Variants in NR5A2 observed in about 807,000 individuals in gnomAD.
NR5A2 encodes the protein CYP7A promoter-binding factor.
In NR5A2, 26 loss-of-function variants were observed where a neutral mutation model predicts 62.7. That is an observed-to-expected ratio of 0.41 (90% CI 0.30 to 0.58). NR5A2 has a LOEUF of 0.58. Ranked by LOEUF, NR5A2 falls within the 20% of genes least tolerant of loss-of-function variation. The pLI is 0.22. For synonymous variants in NR5A2, 246 were observed against 241.7 expected (o/e 1.02, Z -0.16); for missense variants, 541 against 669.1 (o/e 0.81, Z 2.11).
At chr1:200,053,661 T>C (rs1662772810) in intron 5 of NR5A2, among the ~76,000 whole-genome samples, 1 of 151,740 alleles carries the variant, frequency 6.6e-6, no homozygotes, top group South Asian at 2.1e-4. Context: ...CCAGTGAAGC[T>C]AAAGCAAATC....
At position 200,147,555 on chromosome 1, in the gene NR5A2, T is replaced by G; in HGVS notation, c.1379-26408T>G. 1.4e-6 allele frequency: 1 copy of G among 695,828 alleles called. No individual in the cohort carries two copies. The highest frequency in any genetic ancestry group is 3.4e-5 in the East Asian group (1 of 29,324). The allele number at this position is 695,828 out of a possible 1,614,324, so 43.1% of individuals were successfully genotyped here. A position where few individuals can be genotyped will look rare whatever the true frequency, so the allele number is the denominator to read the frequency against. ...TCTGTGATTTCCTTGGTTTCTCCAT[T>G]GGTGTGCTTAAAGCGATCTCCTCTA... On this transcript the variant is annotated intron_variant, in intron 7 of 7. Coordinates refer to ENST00000367362, the MANE Select transcript of NR5A2 (RefSeq NM_205860.3). The surrounding 1 kb of genome is among the most constrained non-coding windows in gnomAD (Gnocchi z 4.9).
chr1:200,172,657 G>A (rs1654234330), intron 7 of NR5A2, among the ~76,000 whole-genome samples: 1 of 152,166 alleles, frequency 6.6e-6, no homozygotes, highest in Admixed American at 6.6e-5. Flanking sequence ...AAATCGTCCT[G>A]AACACACTTC....
At position 200,143,706 on chromosome 1, in the gene NR5A2, G is replaced by C. The variant is rs186861036; in HGVS notation, c.1378+22751G>C. ...TGCCCAGGCTGGAGTGCAGTGGTGC[G>C]ATCTCGGCTCCTGCAACCTCCGCCT... is the stretch of plus-strand genomic sequence containing the variant. On this transcript the variant is annotated intron_variant, in intron 7 of 7. Transcript: ENST00000367362. 2.0e-4 allele frequency among the ~76,000 whole-genome samples: 30 copies of C among 147,260 alleles called. No homozygotes were observed. The East Asian group carries it at 5.8e-3, about 29-fold the overall frequency.
At chr1:200,071,157 T>C (rs1044592949) in intron 5 of NR5A2, among the ~76,000 whole-genome samples, 1 of 152,236 alleles carries the variant, frequency 6.6e-6, no homozygotes, top group Non-Finnish European at 1.5e-5. Context: ...TTTTGATTAA[T>C]GTTCTTTGAT....
At chr1:200,088,774 C>T (rs1201905402) in intron 5 of NR5A2, among the ~76,000 whole-genome samples, 3 of 152,184 alleles carry the variant, frequency 2.0e-5, no homozygotes, top group Non-Finnish European at 2.9e-5. Context: ...AGTGCTAAAG[C>T]CGGGCAGCAA....
chr1:200,028,419 C>G (rs1661425545), intron 1 of NR5A2, among the ~76,000 whole-genome samples: 1 of 130,592 alleles, frequency 7.7e-6, no homozygotes, highest in Non-Finnish European at 1.6e-5. Context: ...GTCATGCCCC[C>G]ACCTCCAAAA....
intron 5 of NR5A2, among the ~76,000 whole-genome samples, chr1:200,082,001 C>T (rs1176042325): frequency 1.3e-5 from 2 of 152,068 alleles, no homozygotes; most frequent in Admixed American, 1.3e-4. Flanking sequence ...TGGGATTTGT[C>T]ACTGTTTGTC....
At chr1:200,121,174 T>C (rs1666468095) in intron 7 of NR5A2, among the ~76,000 whole-genome samples, 1 of 152,220 alleles carries the variant, frequency 6.6e-6, no homozygotes, top group Non-Finnish European at 1.5e-5. Flanking sequence ...AGTTATTCAA[T>C]TGACTCATTC....
At chr1:200,162,389 C>G (rs1239429619) in intron 7 of NR5A2, among the ~76,000 whole-genome samples, 1 of 151,910 alleles carries the variant, frequency 6.6e-6, no homozygotes, top group Admixed American at 6.6e-5. Context: ...AGGTACTGGC[C>G]AGGCACATTC....
chr1:200,120,962 A>C lies in NR5A2; in HGVS notation c.1378+7A>C, dbSNP rs1244409880. 1 of 1,613,776 alleles carries C rather than the reference A, an allele frequency of 6.2e-7. No homozygotes were observed. Among genetic ancestry groups the C allele is most frequent in the South Asian group, 1.1e-5 (1 of 91,038 alleles). On this transcript the variant is annotated splice_region_variant and intron_variant, in intron 7 of 7. Coordinates refer to ENST00000367362, the MANE Select transcript of NR5A2 (RefSeq NM_205860.3). ...TTGGTGCTCTTTAGTTTAGGTAAGA[A>C]ATCCTTTTCTCATGCTGTGCTCAAC...
At chr1:200,116,282 A>G (rs1398054311) in intron 6 of NR5A2, among the ~76,000 whole-genome samples, 1 of 152,184 alleles carries the variant, frequency 6.6e-6, no homozygotes, top group Non-Finnish European at 1.5e-5. Context: ...CCGTAGCCCA[A>G]TCTTCTGGCT....
intron 7 of NR5A2, among the ~76,000 whole-genome samples, chr1:200,161,524 A>G (rs1425037871): frequency 6.6e-6 from 1 of 152,202 alleles, no homozygotes. Context: ...TGTGGTCCCT[A>G]ACACAGCTCA....
Position 200,147,776 on chromosome 1 carries a change from GGA to G in NR5A2, c.1379-26186_1379-26185del, listed in dbSNP as rs1558167884. On this transcript the variant is annotated intron_variant, in intron 7 of 7. Coordinates refer to ENST00000367362, the MANE Select transcript of NR5A2 (RefSeq NM_205860.3). This position sits in a 1 kb window ranked among gnomAD's most constrained non-coding sequence, Gnocchi z 4.9. ...CGGATGCCGGCGCGAATGCCGGCAC[GGA>G]TGCCGGCACGGTGGGCAGCCGCCGT... 1 of 10,720 alleles carries G rather than the reference GGA, an allele frequency of 9.3e-5. No individual in the cohort carries two copies. Among genetic ancestry groups the G allele is most frequent in the Non-Finnish European group, 2.5e-4 (1 of 3,986 alleles). 0.7% of individuals were successfully genotyped at this position (10,720 alleles called of 1,614,324 possible).
chr1:200,154,369 A>G (rs1435476973), intron 7 of NR5A2, among the ~76,000 whole-genome samples: 1 of 152,182 alleles, frequency 6.6e-6, no homozygotes, highest in Non-Finnish European at 1.5e-5. Flanking sequence ...TCTAGACCAA[A>G]ACATGCAAAG....
chr1:200,174,163 C>CTT lies in NR5A2; in HGVS notation c.1579_1580insTT (p.Pro527LeufsTer52). ...CTACAAGCACCTGAACGGGGATGTGCCCTATAATAACCTTCTCATTGAAAT... is the reference window on the plus strand; with the variant it reads ...CTACAAGCACCTGAACGGGGATGTGCTTCCTATAATAACCTTCTCATTGAAAT... On this transcript the variant is annotated frameshift_variant, in exon 8 of 8. Transcript: ENST00000367362. LOFTEE classifies it high-confidence loss of function. The CTT allele has an allele frequency of 6.2e-7, 1 of 1,613,042 alleles. No homozygotes were observed.
intron 1 of NR5A2, among the ~76,000 whole-genome samples, chr1:200,034,657 C>T (rs1661687098): frequency 6.6e-6 from 1 of 151,956 alleles, no homozygotes; most frequent in African/African-American, 2.4e-5. Flanking sequence ...TTTCGTTTTC[C>T]TCCGCGATAA....
chr1:200,174,248 G>A lies in NR5A2; in HGVS notation c.*38G>A. On this transcript the variant is annotated 3_prime_UTR_variant, in exon 8 of 8. Coordinates refer to ENST00000367362, the MANE Select transcript of NR5A2 (RefSeq NM_205860.3). The stretch of plus-strand genomic sequence containing the variant: ...AGGAGCTCTGCTTTCAAAACAAAAA[G>A]AGATTGGGGGAGTGGGGAGGGGGAA... 1.3e-6 allele frequency: 2 copies of A among 1,482,352 alleles called. No individual in the cohort carries two copies. Among genetic ancestry groups the A allele is most frequent in the Non-Finnish European group, 1.8e-6 (2 of 1,114,520 alleles). The allele number at this position is 1,482,352 out of a possible 1,614,324, so 91.8% of individuals were successfully genotyped here. A position where few individuals can be genotyped will look rare whatever the true frequency, so the allele number is the denominator to read the frequency against.
At chr1:200,092,053 A>G (rs1664843469) in intron 5 of NR5A2, among the ~76,000 whole-genome samples, 1 of 152,214 alleles carries the variant, frequency 6.6e-6, no homozygotes, top group Non-Finnish European at 1.5e-5. Context: ...AAGTGTGTTC[A>G]AGTTTGAGAA....
chr1:200,099,303 C>T (rs1665253753), intron 5 of NR5A2, among the ~76,000 whole-genome samples: 1 of 151,676 alleles, frequency 6.6e-6, no homozygotes, highest in East Asian at 2.0e-4. Context: ...TGGAAGCAGC[C>T]AGCCAAAAAG....
Sources: allele counts gnomAD v4.1 joint callset (sites outside exome capture counted in the v4.1 genomes callset), GRCh38; gene constraint gnomAD v4.1.1; non-coding constraint Gnocchi (gnomAD v3.1); transcripts MANE v1.5; gene names NCBI Gene and HGNC (gene_info 2026-07-23, HGNC 2026-07-21).